Variants in CMSS1 observed in about 807,000 individuals in gnomAD.
CMSS1 encodes the protein protein CMSS1.
In CMSS1, 33 loss-of-function variants were observed where a neutral mutation model predicts 43.5. The observed-to-expected ratio is 0.76, with a 90% confidence interval of 0.57 to 1.01. CMSS1 has a LOEUF of 1.01. CMSS1 is among the 50% of genes least tolerant of loss of function. CMSS1 has a pLI of 0.00. For missense variants in CMSS1, 313 were observed against 326.4 expected, an observed-to-expected ratio of 0.96 and a Z score of 0.32; for synonymous variants, 115 against 117.2, an observed-to-expected ratio of 0.98 and a Z score of 0.12.
chr3:100,045,178 G>A (rs951234002), intron 1 of CMSS1, among the ~76,000 whole-genome samples: 1 of 152,206 alleles, frequency 6.6e-6, no homozygotes, highest in Non-Finnish European at 1.5e-5. Flanking sequence ...CTGCGAATAT[G>A]ACCTCTCGAA....
intron 1 of CMSS1, among the ~76,000 whole-genome samples, chr3:100,137,145 A>T (rs1234563307): frequency 6.6e-6 from 1 of 152,222 alleles, no homozygotes; most frequent in Admixed American, 6.5e-5. Flanking sequence ...AGTAGTTCCC[A>T]GCCCTGGCCA....
chr3:100,177,040 CAA>C (rs1376122812), intron 9 of CMSS1, among the ~76,000 whole-genome samples: 1 of 152,100 alleles, frequency 6.6e-6, no homozygotes, highest in African/African-American at 2.4e-5. Context: ...GCTAATTTTT[CAA>C]TCTAGCCTGA....
intron 8 of CMSS1, among the ~76,000 whole-genome samples, chr3:100,175,887 A>G (rs935644940): frequency 6.6e-6 from 1 of 152,108 alleles, no homozygotes; most frequent in African/African-American, 2.4e-5. Context: ...TTCTGCCTAA[A>G]AGGAACCACC....
At chr3:99,901,343 T>G (rs1401221297) in intron 1 of CMSS1, among the ~76,000 whole-genome samples, 1 of 152,204 alleles carries the variant, frequency 6.6e-6, no homozygotes, top group Non-Finnish European at 1.5e-5. Flanking sequence ...GTTTATGGTT[T>G]GTTGTCTCAG....
At chr3:99,936,098 C>A (rs1422052432) in intron 1 of CMSS1, among the ~76,000 whole-genome samples, 1 of 152,002 alleles carries the variant, frequency 6.6e-6, no homozygotes, top group Non-Finnish European at 1.5e-5. Flanking sequence ...TTTTCTTACT[C>A]ATTTTTGTTT....
intron 1 of CMSS1, among the ~76,000 whole-genome samples, chr3:99,917,412 C>T (rs1288439098): frequency 6.6e-6 from 1 of 152,144 alleles, no homozygotes; most frequent in African/African-American, 2.4e-5. Context: ...AGGAATGATT[C>T]TAGGGATATT....
chr3:100,156,030 G>A (rs1485971632), intron 2 of CMSS1, among the ~76,000 whole-genome samples: 1 of 151,974 alleles, frequency 6.6e-6, no homozygotes, highest in African/African-American at 2.4e-5. Flanking sequence ...TTTCAATCTG[G>A]AGTTTTATGT....
intron 1 of CMSS1, among the ~76,000 whole-genome samples, chr3:99,938,082 CGCGCGCGCGT>C (rs962336385): frequency 1.1e-4 from 16 of 151,434 alleles, no homozygotes; most frequent in Admixed American, 5.9e-4. Flanking sequence ...TGTGCGCGCG[CGCGCGCGCGT>C]GCATGCACAC....
At chr3:99,983,470 A>ATC (rs1709222434) in intron 1 of CMSS1, among the ~76,000 whole-genome samples, 1 of 9,864 alleles carries the variant, frequency 1.0e-4, no homozygotes, top group Non-Finnish European at 2.1e-4. Context: ...GTGTGTATAT[A>ATC]TATATATATA....
chr3:100,094,778 G>A (rs28870092), intron 1 of CMSS1, among the ~76,000 whole-genome samples: 24,168 of 149,888 alleles, frequency 0.16, 2,297 homozygotes, highest in South Asian at 0.21. Context: ...CTGCCTCCCG[G>A]GTTCATGCCA....
At chr3:99,913,267 T>G (rs1706849207) in intron 1 of CMSS1, among the ~76,000 whole-genome samples, 1 of 152,192 alleles carries the variant, frequency 6.6e-6, no homozygotes, top group African/African-American at 2.4e-5. Context: ...ACACTTAACT[T>G]TTTGAGGAAC....
chr3:100,099,838 G>A (rs141050646), intron 1 of CMSS1, among the ~76,000 whole-genome samples: 62 of 152,310 alleles, frequency 4.1e-4, no homozygotes, highest in African/African-American at 1.5e-3. Context: ...AGTATCATAA[G>A]TATGCAGCGG....
chr3:99,864,075 T>C (rs1944391623), intron 1 of CMSS1, among the ~76,000 whole-genome samples: 2 of 152,236 alleles, frequency 1.3e-5, no homozygotes, highest in African/African-American at 4.8e-5. Flanking sequence ...GGAATTAATA[T>C]GTAGGAGGTA....
chr3:99,924,249 G>GT, intron 1 of CMSS1: 1 of 1,613,682 alleles, frequency 6.2e-7, no homozygotes, highest in East Asian at 2.2e-5. Flanking sequence ...TCCTGTTCTA[G>GT]TAGGCATATG....
intron 2 of CMSS1, among the ~76,000 whole-genome samples, chr3:100,156,304 T>C (rs1034930730): frequency 3.8e-5 from 5 of 130,570 alleles, no homozygotes; most frequent in East Asian, 2.1e-4. Context: ...TTTTTCTTTT[T>C]TTTTTTTTTT....
intron 2 of CMSS1, 67 bp downstream of exon 2, chr3:100,147,128 T>A (rs2066859238): frequency 6.4e-7 from 1 of 1,564,904 alleles, no homozygotes; most frequent in Admixed American, 1.8e-5. Flanking sequence ...TCCTCTCTAT[T>A]GAACTCCCCA....
chr3:100,125,919 A>G (rs2066658667), intron 1 of CMSS1, among the ~76,000 whole-genome samples: 2 of 152,254 alleles, frequency 1.3e-5, no homozygotes, highest in South Asian at 2.1e-4. Context: ...GTGCTCTGGA[A>G]CAATGCTTTT....
At chr3:100,151,715 G>A (rs976587531) in intron 2 of CMSS1, among the ~76,000 whole-genome samples, 4 of 152,136 alleles carry the variant, frequency 2.6e-5, no homozygotes, top group African/African-American at 9.7e-5. Flanking sequence ...ATCATGAGGA[G>A]CTATCCTGGA....
chr3:100,033,888 T>A (rs1273117544), intron 1 of CMSS1, among the ~76,000 whole-genome samples: 1 of 152,210 alleles, frequency 6.6e-6, no homozygotes, highest in Non-Finnish European at 1.5e-5. Context: ...CAAAAGTGAC[T>A]GTTTTATGTA....
Sources: gnomAD v4.1 joint callset for allele counts (sites outside exome capture counted in the v4.1 genomes callset) on GRCh38, gnomAD v4.1.1 for gene constraint, MANE v1.5 for transcripts, NCBI Gene and HGNC (gene_info 2026-07-23, HGNC 2026-07-21) for gene names.